The following RNF217 variants were observed in gnomAD, a reference collection of about 807,000 sequenced individuals.
RNF217 encodes the protein ring finger protein 217.
RNF217 carries 31 observed loss-of-function variants against 57.8 expected under a neutral mutation model. The observed-to-expected ratio is 0.54, with a 90% CI of 0.40 to 0.72. The LOEUF (loss-of-function observed/expected upper bound fraction) is 0.72. RNF217 is among the 30% of genes least tolerant of loss of function. The probability of loss-of-function intolerance (pLI) is 0.00; values close to 1 mark genes in which losing one functional copy is unlikely to be tolerated. For missense variants in RNF217, 696 were observed against 708.3 expected (o/e 0.98, Z 0.20); for synonymous variants, 313 against 294.0 (o/e 1.06, Z -0.66).
At chr6:124,982,545 A>T (rs1784218796) in intron 1 of RNF217, among the ~76,000 whole-genome samples, 1 of 152,162 alleles carries the variant, frequency 6.6e-6, no homozygotes, top group Non-Finnish European at 1.5e-5. Flanking sequence ...CAAAAAAAAA[A>T]GGATTCCTGC....
chr6:124,980,740 G>A (rs1278658852), intron 1 of RNF217, among the ~76,000 whole-genome samples: 3 of 151,964 alleles, frequency 2.0e-5, no homozygotes, highest in Non-Finnish European at 4.4e-5. Context: ...ATTTTTTGTT[G>A]ATTTTATGCT....
intron 3 of RNF217, among the ~76,000 whole-genome samples, chr6:125,075,614 C>T (rs910962604): frequency 6.6e-6 from 1 of 152,114 alleles, no homozygotes. Flanking sequence ...CTGCCCTTGA[C>T]ACGTGGGGAT....
intron 1 of RNF217, chr6:124,983,571 G>A (rs1429252532): frequency 2.3e-6 from 2 of 865,856 alleles, no homozygotes; most frequent in Non-Finnish European, 2.8e-6. Context: ...TCCATCTTCT[G>A]TGGTAGGCTT....
At chr6:125,029,541 G>A (rs1786257550) in intron 1 of RNF217, among the ~76,000 whole-genome samples, 1 of 152,124 alleles carries the variant, frequency 6.6e-6, no homozygotes, top group Non-Finnish European at 1.5e-5. Context: ...GGCATGAAAA[G>A]GCTCCGTTGA....
At chr6:124,997,934 G>A (rs572074951) in intron 1 of RNF217, among the ~76,000 whole-genome samples, 3 of 152,142 alleles carry the variant, frequency 2.0e-5, no homozygotes, top group East Asian at 1.9e-4. Flanking sequence ...CTTATGTGAC[G>A]GTGACTCCAA....
intron 2 of RNF217, among the ~76,000 whole-genome samples, chr6:125,052,613 C>T (rs796426952): frequency 7.9e-5 from 12 of 152,094 alleles, no homozygotes; most frequent in African/African-American, 2.9e-4. Context: ...AATTTCTTTC[C>T]ATTGCCACCA....
At chr6:125,042,825 T>G (rs1312059215) in intron 1 of RNF217, among the ~76,000 whole-genome samples, 2 of 152,016 alleles carry the variant, frequency 1.3e-5, no homozygotes, top group African/African-American at 4.8e-5. Context: ...TGCTATCATT[T>G]ACATAGTTAA....
At position 125,057,923 on chromosome 6, in the gene RNF217, T is replaced by G. The variant is rs756176528; in HGVS notation, c.1117-19T>G. 6.3e-7 allele frequency: 1 copy of G among 1,580,250 alleles called. No homozygotes were observed. The highest frequency in any genetic ancestry group is 8.6e-7 in the Non-Finnish European group (1 of 1,161,342). ...TCAGTATATCCACTAGTAATTAATA[T>G]GATTTTTTTCTTACACAGATCCAGT... On this transcript the variant is annotated intron_variant, in intron 2 of 5. Coordinates refer to ENST00000521654, the MANE Select transcript of RNF217 (RefSeq NM_001286398.3).
chr6:124,974,178 G>A lies in RNF217; in HGVS notation c.882+10752G>A, dbSNP rs531199912. Reference sequence around the variant, plus strand: ...GTCATAAGCCTGCCCAGATTCAAGGGGAAGGGACATTGACCTCAACTTATT... The same window carrying A: ...GTCATAAGCCTGCCCAGATTCAAGGAGAAGGGACATTGACCTCAACTTATT... On this transcript the variant is annotated intron_variant, in intron 1 of 5. Transcript: ENST00000521654. 1.7e-4 allele frequency among the ~76,000 whole-genome samples: 26 copies of A among 152,276 alleles called. No homozygotes were observed. In the East Asian group the frequency reaches 4.1e-3, roughly 24 times the overall value.
chr6:125,024,455 C>T (rs1028882625), intron 1 of RNF217, among the ~76,000 whole-genome samples: 4 of 151,180 alleles, frequency 2.6e-5, no homozygotes, highest in Admixed American at 6.6e-5. Context: ...TGGTGGTGCA[C>T]GCCTGTAATC....
intron 1 of RNF217, among the ~76,000 whole-genome samples, chr6:125,032,607 A>C (rs1011364519): frequency 6.6e-6 from 1 of 151,814 alleles, no homozygotes; most frequent in African/African-American, 2.4e-5. Flanking sequence ...TATATACTTT[A>C]AAAGTTTCTG....
chr6:124,969,373 A>T (rs944022026), intron 1 of RNF217, among the ~76,000 whole-genome samples: 13 of 152,098 alleles, frequency 8.5e-5, no homozygotes, highest in Admixed American at 7.9e-4. Context: ...ATTTTTTTCA[A>T]ATTCAGTTTG....
chr6:125,041,567 A>G (rs1467562807), intron 1 of RNF217, among the ~76,000 whole-genome samples: 1 of 152,120 alleles, frequency 6.6e-6, no homozygotes, highest in Non-Finnish European at 1.5e-5. Context: ...TGCTCTGAGC[A>G]GAGGCAAATC....
chr6:124,979,001 A>G (rs532797013), intron 1 of RNF217, among the ~76,000 whole-genome samples: 6 of 152,278 alleles, frequency 3.9e-5, no homozygotes, highest in African/African-American at 1.4e-4. Context: ...TGGAAAAAGC[A>G]CCATTTGATT....
intron 1 of RNF217, among the ~76,000 whole-genome samples, chr6:124,995,596 A>G (rs1312167689): frequency 2.0e-5 from 3 of 152,158 alleles, no homozygotes; most frequent in Non-Finnish European, 4.4e-5. Context: ...TTGTATGAAT[A>G]TAACCCGATT....
chr6:124,962,529 C>T lies in RNF217; in HGVS notation c.-16C>T. 1 of 1,160,628 alleles carries T rather than the reference C, an allele frequency of 8.6e-7. No homozygotes were observed. Among genetic ancestry groups the T allele is most frequent in the Non-Finnish European group, 1.1e-6 (1 of 939,586 alleles). 71.9% of individuals were successfully genotyped at this position (1,160,628 alleles called of 1,614,324 possible). On this transcript the variant is annotated 5_prime_UTR_variant, in exon 1 of 6. Coordinates refer to ENST00000521654, the MANE Select transcript of RNF217 (RefSeq NM_001286398.3). This position sits in a 1 kb window ranked among gnomAD's most constrained non-coding sequence, Gnocchi z 4.6. ...GGCGGCTGGATGGGCAGCGGCGGCG[C>T]GGGCCGCGGGCGGCGATGGGCGAGG...
intron 1 of RNF217, among the ~76,000 whole-genome samples, chr6:125,043,288 T>G (rs1786958092): frequency 6.6e-6 from 1 of 152,054 alleles, no homozygotes; most frequent in African/African-American, 2.4e-5. Flanking sequence ...CCAAGTTGTC[T>G]CTTTCATCTG....
intron 1 of RNF217, chr6:125,009,297 T>C: frequency 6.5e-7 from 1 of 1,538,160 alleles, no homozygotes; most frequent in Non-Finnish European, 9.0e-7. Flanking sequence ...AGTACATAGA[T>C]GAAGAAGCCA....
intron 1 of RNF217, among the ~76,000 whole-genome samples, chr6:125,023,432 A>G (rs1785932360): frequency 6.6e-6 from 1 of 152,186 alleles, no homozygotes; most frequent in Admixed American, 6.5e-5. Flanking sequence ...TGTGTTGTAA[A>G]AAGAGTGCTC....
Sources: allele counts gnomAD v4.1 joint callset (sites outside exome capture counted in the v4.1 genomes callset), GRCh38; gene constraint gnomAD v4.1.1; non-coding constraint Gnocchi (gnomAD v3.1); transcripts MANE v1.5; gene names NCBI Gene and HGNC (gene_info 2026-07-23, HGNC 2026-07-21).